Variants in HDAC9 observed in about 807,000 individuals in gnomAD.
The protein encoded by HDAC9 is histone deacetylase 9, also known as MEF-2 interacting transcription repressor (MITR) protein.
In HDAC9, 41 loss-of-function variants were observed where a neutral mutation model predicts 139.4. That is an observed-to-expected ratio of 0.29 (90% confidence interval 0.23 to 0.38). The LOEUF (loss-of-function observed/expected upper bound fraction) is 0.38. Among genes scored for constraint, HDAC9 ranks in the 10% least tolerant of loss-of-function variants. The pLI is 1.00. For synonymous variants in HDAC9, 517 were observed against 476.2 expected, an observed-to-expected ratio of 1.09 and a Z score of -1.12; for missense variants, 1,147 against 1,297.0, an observed-to-expected ratio of 0.88 and a Z score of 1.78.
intron 2 of HDAC9, among the ~76,000 whole-genome samples, chr7:18,222,148 A>T (rs1238011776): frequency 7.9e-6 from 1 of 126,034 alleles, no homozygotes; most frequent in Non-Finnish European, 1.6e-5. Context: ...TTTCTAAATT[A>T]TAAAACACAT....
At chr7:18,293,615 C>T (rs1797959959) in intron 1 of HDAC9, among the ~76,000 whole-genome samples, 1 of 152,030 alleles carries the variant, frequency 6.6e-6, no homozygotes, top group South Asian at 2.1e-4. Flanking sequence ...CTTTTTGTCT[C>T]TAATGTCTTC....
intron 2 of HDAC9, among the ~76,000 whole-genome samples, chr7:18,271,575 G>T (rs1158218396): frequency 1.3e-5 from 2 of 152,158 alleles, no homozygotes; most frequent in Non-Finnish European, 2.9e-5. Flanking sequence ...TAGAAATGCT[G>T]CAGTCTTCCA....
At chr7:18,402,765 G>C (rs1024124531) in intron 1 of HDAC9, among the ~76,000 whole-genome samples, 25 of 152,296 alleles carry the variant, frequency 1.6e-4, no homozygotes, top group African/African-American at 5.1e-4. Flanking sequence ...ACAGTTGAAT[G>C]AAAGGTTGCT....
At chr7:18,209,026 G>A (rs1009019787) in intron 2 of HDAC9, among the ~76,000 whole-genome samples, 4 of 152,152 alleles carry the variant, frequency 2.6e-5, no homozygotes, top group African/African-American at 9.7e-5. Flanking sequence ...TTGCTTAGCA[G>A]CTTTACCTTT....
At chr7:18,605,507 A>G (rs955453700) in intron 6 of HDAC9, among the ~76,000 whole-genome samples, 1 of 152,144 alleles carries the variant, frequency 6.6e-6, no homozygotes, top group Non-Finnish European at 1.5e-5. Context: ...TTTTCATTAG[A>G]CAAGTATTAC....
chr7:18,974,082 A>G (rs1046245991), intron 24 of HDAC9, among the ~76,000 whole-genome samples: 4 of 152,160 alleles, frequency 2.6e-5, no homozygotes, highest in African/African-American at 9.7e-5. Flanking sequence ...TGTTCTAGTC[A>G]TTCCCAGCAG....
intron 21 of HDAC9, among the ~76,000 whole-genome samples, chr7:18,839,324 A>G (rs1233977835): frequency 6.6e-6 from 1 of 151,898 alleles, no homozygotes; most frequent in Non-Finnish European, 1.5e-5. Flanking sequence ...TTAGTTTGTG[A>G]CTCTACAATC....
At chr7:18,534,392 A>C (rs372724889) in intron 2 of HDAC9, among the ~76,000 whole-genome samples, 7 of 152,154 alleles carry the variant, frequency 4.6e-5, no homozygotes, top group African/African-American at 1.7e-4. Context: ...CAACAACAAC[A>C]ACAAATTAGC....
chr7:18,242,250 T>G (rs1230801586), intron 2 of HDAC9, among the ~76,000 whole-genome samples: 1 of 152,254 alleles, frequency 6.6e-6, no homozygotes, highest in African/African-American at 2.4e-5. Flanking sequence ...AGGCATTTGT[T>G]ACACTTTGAT....
In HDAC9 at chr7:18,388,208, G is replaced by A. The variant is rs1242081484; in HGVS notation, c.-42+97693G>A. The stretch of plus-strand genomic sequence containing the variant: ...ACGTGTGGCTAAGATAATCAAATAA[G>A]ACCATTCCCAAGTTGTCCCTAGAGT... On this transcript the variant is annotated intron_variant, in intron 1 of 3. Coordinates refer to the HDAC9 transcript ENST00000413509. Among the ~76,000 whole-genome samples, 6 of 152,108 alleles carry A rather than the reference G, an allele frequency of 3.9e-5. No homozygotes were observed. The East Asian group carries it at 1.2e-3, about 29-fold the overall frequency.
At chr7:18,437,099 A>C (rs1234132445) in intron 1 of HDAC9, among the ~76,000 whole-genome samples, 1 of 152,180 alleles carries the variant, frequency 6.6e-6, no homozygotes, top group African/African-American at 2.4e-5. Flanking sequence ...GATTTTAATT[A>C]AAGTTGATTT....
exon 1 of HDAC9, chr7:18,290,498 G>A (rs577424929): frequency 6.6e-6 from 3 of 456,480 alleles, no homozygotes; most frequent in Non-Finnish European, 1.3e-5. Flanking sequence ...GGCAAAGAGG[G>A]AATGCACAAC....
In HDAC9 at chr7:18,149,532, TTTATTTA is replaced by T. The variant is rs893748036; in HGVS notation, c.-96-12677_-96-12671del. 8.7e-5 allele frequency among the ~76,000 whole-genome samples: 13 copies of T among 150,270 alleles called. No individual in the cohort carries two copies. In the East Asian group the frequency reaches 1.2e-3, roughly 13 times the overall value. ...CACCATGCATGGCTAAGGTTTTTTA[TTTATTTA>T]TTATTTATTATTTATTATTATTTTT... On this transcript the variant is annotated intron_variant, in intron 1 of 12. Transcript: ENST00000417496.
At chr7:18,757,895 G>A (rs757497890) in intron 14 of HDAC9, among the ~76,000 whole-genome samples, 1 of 152,126 alleles carries the variant, frequency 6.6e-6, no homozygotes. Flanking sequence ...TGTGTTGTGA[G>A]ACTCAATGAT....
chr7:18,714,230 G>C (rs1274679550), intron 12 of HDAC9, among the ~76,000 whole-genome samples: 1 of 152,180 alleles, frequency 6.6e-6, no homozygotes, highest in Non-Finnish European at 1.5e-5. Flanking sequence ...AATTTGCGTA[G>C]CAAGGTGTGT....
chr7:18,909,756 C>T (rs911393222), intron 22 of HDAC9, among the ~76,000 whole-genome samples: 8 of 152,018 alleles, frequency 5.3e-5, no homozygotes, highest in Non-Finnish European at 7.4e-5. Flanking sequence ...TGTCAGAAAT[C>T]AGTTGACTCT....
chr7:18,406,614 C>T (rs1315918516), intron 1 of HDAC9, among the ~76,000 whole-genome samples: 1 of 152,160 alleles, frequency 6.6e-6, no homozygotes, highest in East Asian at 1.9e-4. Flanking sequence ...TGGTCTCAAT[C>T]TCCTGACCTC....
intron 2 of HDAC9, among the ~76,000 whole-genome samples, chr7:18,551,973 TATC>T (rs1199131155): frequency 6.6e-6 from 1 of 152,216 alleles, no homozygotes; most frequent in African/African-American, 2.4e-5. Context: ...CATTTGTTAT[TATC>T]AGCATCTTCT....
At chr7:18,668,902 T>TG in intron 12 of HDAC9, 1 of 982,744 alleles carries the variant, frequency 1.0e-6, no homozygotes, top group Non-Finnish European at 1.2e-6. Context: ...AGTTGAAGCT[T>TG]GCACACTAGA....
Sources: allele counts gnomAD v4.1 joint callset (sites outside exome capture counted in the v4.1 genomes callset), GRCh38; gene constraint gnomAD v4.1.1; transcripts MANE v1.5; gene names NCBI Gene and HGNC (gene_info 2026-07-23, HGNC 2026-07-21).